Variants in ARHGAP44 observed in about 807,000 individuals in gnomAD.
ARHGAP44 encodes the protein rho GTPase-activating protein 44.
ARHGAP44 carries 43 observed loss-of-function variants against 106.8 expected under a neutral mutation model. That is an observed-to-expected ratio of 0.40 (90% CI 0.32 to 0.52). The LOEUF (loss-of-function observed/expected upper bound fraction) is 0.52, where lower values mean the gene tolerates loss of function less well. ARHGAP44 is among the 20% of genes least tolerant of loss of function. The probability of loss-of-function intolerance (pLI) is 0.48; values close to 1 mark genes in which losing one functional copy is unlikely to be tolerated. For synonymous variants in ARHGAP44, 439 were observed against 410.3 expected (o/e 1.07, Z -0.85); for missense variants, 866 against 1,050.5 (o/e 0.82, Z 2.43).
At chr17:12,937,984 C>T (rs1245747177) in intron 7 of ARHGAP44, among the ~76,000 whole-genome samples, 1 of 151,954 alleles carries the variant, frequency 6.6e-6, no homozygotes, top group Non-Finnish European at 1.5e-5. Context: ...CCCTGTAGTC[C>T]CAGCTCAGGA....
chr17:12,849,717 C>G (rs1008728835), intron 1 of ARHGAP44, among the ~76,000 whole-genome samples: 1 of 151,844 alleles, frequency 6.6e-6, no homozygotes, highest in Non-Finnish European at 1.5e-5. Context: ...GAACAGCATC[C>G]GCAAATTATT....
Position 12,834,981 on chromosome 17 carries a change from C to T in ARHGAP44, c.53+45090C>T, listed in dbSNP as rs570021882. ...TGTAATTATTTTGAGTTTTTGGTTG[C>T]TAAGGAGACTGAAAGGGAAACTTGC... On this transcript the variant is annotated intron_variant, in intron 1 of 20. Transcript: ENST00000379672. Among the ~76,000 whole-genome samples, 4 of 152,154 alleles carry T rather than the reference C, an allele frequency of 2.6e-5. No homozygotes were observed. In the South Asian group the frequency reaches 8.3e-4, roughly 32 times the overall value.
chr17:12,825,497 G>A (rs1353187460), intron 1 of ARHGAP44, among the ~76,000 whole-genome samples: 2 of 151,930 alleles, frequency 1.3e-5, no homozygotes, highest in Non-Finnish European at 2.9e-5. Context: ...GTGGTTGTGG[G>A]GATTGTTAAG....
intron 1 of ARHGAP44, among the ~76,000 whole-genome samples, chr17:12,886,312 T>C (rs1473795926): frequency 3.3e-5 from 5 of 152,202 alleles, no homozygotes; most frequent in Admixed American, 6.5e-5. Flanking sequence ...AACTATTTCC[T>C]TTGTACTTTC....
chr17:12,875,706 G>C (rs1279990180), intron 1 of ARHGAP44, among the ~76,000 whole-genome samples: 1 of 152,216 alleles, frequency 6.6e-6, no homozygotes, highest in Non-Finnish European at 1.5e-5. Flanking sequence ...CACTTTGGGA[G>C]GCCAAGGCAG....
intron 7 of ARHGAP44, among the ~76,000 whole-genome samples, chr17:12,930,419 T>C (rs1179806708): frequency 1.3e-5 from 2 of 152,022 alleles, no homozygotes; most frequent in East Asian, 1.9e-4. Context: ...GTATTTTTAG[T>C]AGAGACGGGG....
intron 1 of ARHGAP44, among the ~76,000 whole-genome samples, chr17:12,808,771 A>G (rs1478794175): frequency 6.6e-6 from 1 of 152,148 alleles, no homozygotes; most frequent in Non-Finnish European, 1.5e-5. Flanking sequence ...GCTCCTCGTT[A>G]CTTATGCTAA....
intron 3 of ARHGAP44, among the ~76,000 whole-genome samples, chr17:12,903,140 AGTGTGTGTGTGT>A (rs546197652): frequency 1.0e-3 from 58 of 57,586 alleles, no homozygotes; most frequent in South Asian, 1.4e-3. Context: ...AGAGAGAGAG[AGTGTGTGTGTGT>A]GTGTGTGTGT....
At chr17:12,948,752 C>CACACACACACACACACACACACACCCA (rs1221163562) in intron 10 of ARHGAP44, among the ~76,000 whole-genome samples, 1 of 140,794 alleles carries the variant, frequency 7.1e-6, no homozygotes, top group South Asian at 2.2e-4. Context: ...ACACACACAC[C>CACACACACACACACACACACACACCCA]CCCTGTAGAC....
chr17:12,794,312 A>G (rs1414987002), intron 1 of ARHGAP44, among the ~76,000 whole-genome samples: 1 of 152,052 alleles, frequency 6.6e-6, no homozygotes, highest in Non-Finnish European at 1.5e-5. Context: ...TCCAGTCTGC[A>G]CAGTGGGTTC....
intron 13 of ARHGAP44, among the ~76,000 whole-genome samples, chr17:12,954,256 C>T (rs930583842): frequency 1.8e-4 from 27 of 152,128 alleles, no homozygotes; most frequent in African/African-American, 6.0e-4. Flanking sequence ...ATTCAGGAAA[C>T]GGATGGTGGT....
chr17:12,896,234 C>A (rs1055904979), intron 2 of ARHGAP44, among the ~76,000 whole-genome samples, 173 bp from the exon 3 acceptor site: 1 of 151,920 alleles, frequency 6.6e-6, no homozygotes, highest in Non-Finnish European at 1.5e-5. Context: ...ATTGTGCACA[C>A]GTACCTTAGA....
intron 20 of ARHGAP44, among the ~76,000 whole-genome samples, chr17:12,989,132 A>G (rs921966556): frequency 7.6e-5 from 11 of 143,808 alleles, no homozygotes; most frequent in African/African-American, 2.5e-4. Context: ...AAAACTAAGC[A>G]GGCGGAGGAA....
At chr17:12,921,291 T>C (rs1795315409) in intron 6 of ARHGAP44, among the ~76,000 whole-genome samples, 1 of 152,136 alleles carries the variant, frequency 6.6e-6, no homozygotes, top group South Asian at 2.1e-4. Context: ...GTTCACGAAC[T>C]CCTGACTTCA....
chr17:12,941,130 T>C lies in ARHGAP44; in HGVS notation c.651+6T>C. 1.2e-6 allele frequency: 2 copies of C among 1,613,720 alleles called. No homozygotes were observed. The highest frequency in any genetic ancestry group is 8.5e-7 in the Non-Finnish European group (1 of 1,179,660). On this transcript the variant is annotated splice_donor_region_variant and intron_variant, in intron 8 of 20. Coordinates refer to ENST00000379672, the MANE Select transcript of ARHGAP44 (RefSeq NM_014859.6). ...ATGCAAACTACTTTCAAACGGTAAG[T>C]GCCCAGAAAGGTGAGATTGCTTAAA... is the stretch of plus-strand genomic sequence containing the variant.
chr17:12,879,308 C>T (rs1405637512), intron 1 of ARHGAP44, among the ~76,000 whole-genome samples: 4 of 152,206 alleles, frequency 2.6e-5, no homozygotes, highest in African/African-American at 9.6e-5. Flanking sequence ...TTATTTCATT[C>T]CTTTTCATGG....
At chr17:12,854,920 T>G (rs887643492) in intron 1 of ARHGAP44, among the ~76,000 whole-genome samples, 1 of 145,736 alleles carries the variant, frequency 6.9e-6, no homozygotes, top group East Asian at 2.0e-4. Context: ...ATCATGCCAT[T>G]GTACTCCAGC....
At chr17:12,985,553 C>T (rs1276787751) in intron 20 of ARHGAP44, 1 of 152,200 alleles carries the variant, frequency 6.6e-6, no homozygotes, top group Non-Finnish European at 1.5e-5. Flanking sequence ...GCTCTCTTCC[C>T]CCAGAAAAAT....
intron 7 of ARHGAP44, among the ~76,000 whole-genome samples, chr17:12,938,987 C>T (rs578101625): frequency 6.6e-6 from 1 of 152,330 alleles, no homozygotes; most frequent in Admixed American, 6.5e-5. Context: ...TCAGGGCCTT[C>T]TTTCCTTTCC....
Sources: allele counts gnomAD v4.1 joint callset (sites outside exome capture counted in the v4.1 genomes callset), GRCh38; gene constraint gnomAD v4.1.1; transcripts MANE v1.5; gene names NCBI Gene and HGNC (gene_info 2026-07-23, HGNC 2026-07-21).